Variants in BRD10 observed in about 807,000 individuals in gnomAD.
BRD10 encodes uncharacterized bromodomain-containing protein 10.
the BRD10 span, among the ~76,000 whole-genome samples, chr9:5,918,503 A>G: frequency 6.6e-6 from 1 of 152,134 alleles, no homozygotes; most frequent in East Asian, 1.9e-4. Flanking sequence ...ATCTCTTGAG[A>G]CCAGGAGTTC....
At chr9:5,954,100 C>A in the BRD10 span, 3 of 1,514,478 alleles carry the variant, frequency 2.0e-6, no homozygotes, top group Admixed American at 5.9e-5. Flanking sequence ...TTTTTCCTTT[C>A]AAGATTAAAA....
the BRD10 span, among the ~76,000 whole-genome samples, chr9:5,901,949 T>A: frequency 6.6e-6 from 1 of 152,234 alleles, no homozygotes; most frequent in Non-Finnish European, 1.5e-5. Context: ...GCATCTGTAT[T>A]CATGAGTGAT....
the BRD10 span, among the ~76,000 whole-genome samples, chr9:5,937,159 G>A: frequency 1.3e-5 from 2 of 151,064 alleles, no homozygotes; most frequent in Non-Finnish European, 2.9e-5. Flanking sequence ...CAACCCGGAG[G>A]CGCAGGTTGC....
the BRD10 span, among the ~76,000 whole-genome samples, chr9:5,943,234 T>C: frequency 1.3e-5 from 2 of 152,170 alleles, no homozygotes; most frequent in Non-Finnish European, 2.9e-5. Flanking sequence ...ATGAGGTGAA[T>C]GGCTTTACAG....
At chr9:5,902,131 C>G in the BRD10 span, among the ~76,000 whole-genome samples, 1 of 152,142 alleles carries the variant, frequency 6.6e-6, no homozygotes, top group Non-Finnish European at 1.5e-5. Context: ...CTGAACTCAT[C>G]TGGGTCTGGT....
the BRD10 span, among the ~76,000 whole-genome samples, chr9:5,961,540 CA>C: frequency 6.6e-6 from 1 of 151,864 alleles, no homozygotes; most frequent in Non-Finnish European, 1.5e-5. Flanking sequence ...GCTTAAATGA[CA>C]AAGTTTTCAG....
the BRD10 span, chr9:5,924,633 C>T: frequency 7.1e-7 from 1 of 1,416,830 alleles, no homozygotes. Flanking sequence ...TCAGTGTTGA[C>T]TTAAAAAAAA....
chr9:5,888,442 T>C, the BRD10 span, among the ~76,000 whole-genome samples: 1 of 152,270 alleles, frequency 6.6e-6, no homozygotes, highest in African/African-American at 2.4e-5. Context: ...AAGACATCAC[T>C]TGTTCTTTGT....
chr9:5,985,883 C>G, the BRD10 span, among the ~76,000 whole-genome samples: 2 of 151,944 alleles, frequency 1.3e-5, no homozygotes, highest in Admixed American at 6.6e-5. Context: ...TCTTCTATAA[C>G]AGAAGTACAA....
chr9:5,925,514 TAG>T, the BRD10 span, among the ~76,000 whole-genome samples: 3 of 152,126 alleles, frequency 2.0e-5, no homozygotes, highest in African/African-American at 4.8e-5. Flanking sequence ...ACTGACAGAT[TAG>T]AGTCTTAAAA....
At chr9:5,904,604 C>T in the BRD10 span, among the ~76,000 whole-genome samples, 2,044 of 152,054 alleles carry the variant, frequency 0.013, 22 homozygotes, top group Non-Finnish European at 0.022. Context: ...TCCTGAGTAG[C>T]TGAGATTAAA....
the BRD10 span, among the ~76,000 whole-genome samples, chr9:5,990,725 C>A: frequency 6.6e-6 from 1 of 152,080 alleles, no homozygotes; most frequent in Non-Finnish European, 1.5e-5. Context: ...ATAAAAAAGA[C>A]TGATATTACT....
chr9:5,955,482 C>A, the BRD10 span, among the ~76,000 whole-genome samples: 1 of 152,160 alleles, frequency 6.6e-6, no homozygotes, highest in Non-Finnish European at 1.5e-5. Flanking sequence ...TAAATATAAT[C>A]ATCTTGCAAG....
chr9:5,924,703 A>AT, the BRD10 span: 1 of 1,559,558 alleles, frequency 6.4e-7, no homozygotes, highest in Non-Finnish European at 8.7e-7. Flanking sequence ...GGTTCTGTTG[A>AT]GTCTATAGAC....
chr9:6,001,983 T>C, the BRD10 span, among the ~76,000 whole-genome samples: 3 of 152,220 alleles, frequency 2.0e-5, no homozygotes, highest in African/African-American at 7.2e-5. Flanking sequence ...TCCCTCCCAT[T>C]ATTTGTTTTA....
chr9:5,935,672 A>G, the BRD10 span, among the ~76,000 whole-genome samples: 49 of 152,230 alleles, frequency 3.2e-4, 1 homozygote, highest in African/African-American at 1.1e-3. Context: ...CCACAAAGTA[A>G]TGGCATGTTT....
At chr9:5,989,438 A>G in the BRD10 span, among the ~76,000 whole-genome samples, 2 of 150,914 alleles carry the variant, frequency 1.3e-5, no homozygotes, top group Non-Finnish European at 3.0e-5. Flanking sequence ...AAAAAAAAAA[A>G]AAAGAAAATT....
At chr9:5,988,754 T>TAA in the BRD10 span, among the ~76,000 whole-genome samples, 3 of 147,474 alleles carry the variant, frequency 2.0e-5, no homozygotes, top group African/African-American at 7.4e-5. Context: ...TTCCCTGCAT[T>TAA]AAAAAAAAAA....
the BRD10 span, chr9:6,008,160 G>T: frequency 1.0e-6 from 1 of 975,152 alleles, no homozygotes; most frequent in Non-Finnish European, 1.2e-6. Context: ...CCCCTCCCGG[G>T]CCAGCGGGGG....
Sources: allele counts gnomAD v4.1 joint callset (sites outside exome capture counted in the v4.1 genomes callset), GRCh38; gene constraint gnomAD v4.1.1; transcripts MANE v1.5; gene names NCBI Gene and HGNC (gene_info 2026-07-23, HGNC 2026-07-21).